Variants in TM9SF4 observed in about 807,000 individuals in gnomAD.
TM9SF4 encodes the protein transmembrane 9 superfamily member 4, also known as dinucleotide oxidase disulfide thiol exchanger 3 superfamily member 4.
A neutral mutation model predicts 90.4 loss-of-function variants in TM9SF4; 26 were observed. The ratio of observed to expected loss-of-function variants is 0.29; its 90% CI spans 0.21 to 0.40. The LOEUF is 0.40. TM9SF4 is among the 10% of genes least tolerant of loss of function. The pLI is 1.00. For synonymous variants in TM9SF4, 293 were observed against 315.4 expected (o/e 0.93, Z 0.75); for missense variants, 549 against 834.8 (o/e 0.66, Z 4.22).
chr20:32,144,229 C>CT (rs1488514321), intron 6 of TM9SF4, among the ~76,000 whole-genome samples: 1 of 152,178 alleles, frequency 6.6e-6, no homozygotes, highest in African/African-American at 2.4e-5. Context: ...CAGGCGTGAG[C>CT]CACCGCGCCC....
At chr20:32,161,619 G>T (rs970834623) in intron 17 of TM9SF4, among the ~76,000 whole-genome samples, 1 of 152,096 alleles carries the variant, frequency 6.6e-6, no homozygotes, top group African/African-American at 2.4e-5. Context: ...AAACTTACGA[G>T]GTATAGCCAT....
intron 11 of TM9SF4, 41 bp from the exon 12 acceptor site, chr20:32,150,759 A>G: frequency 6.2e-7 from 1 of 1,614,136 alleles, no homozygotes; most frequent in Non-Finnish European, 8.5e-7. Flanking sequence ...CACACCAGCT[A>G]ATGGGTCCCC....
In TM9SF4 at chr20:32,165,418, A is replaced by C; in HGVS notation, c.1903A>C (p.Ile635Leu). Reference protein sequence around the residue: ...FYAAYMFVRKIYAAVKID With the variant: ...FYAAYMFVRKLYAAVKID The stretch of plus-strand genomic sequence containing the variant: ...TGCAGCCTACATGTTTGTTCGCAAG[A>C]TCTATGCTGCTGTGAAGATAGACTG... The change falls in exon 18 of 18, where the codon ATC becomes CTC. Residue 635 changes from isoleucine (I) to leucine (L), a missense_variant. Ile to Leu is a conservative substitution (Grantham distance 5). Transcript: ENST00000398022. 1 of 1,614,112 alleles carries C rather than the reference A, an allele frequency of 6.2e-7. No homozygotes were observed. The highest frequency in any genetic ancestry group is 8.5e-7 in the Non-Finnish European group (1 of 1,180,026).
chr20:32,118,926 TA>T (rs1227101578), intron 1 of TM9SF4, among the ~76,000 whole-genome samples: 2 of 151,556 alleles, frequency 1.3e-5, no homozygotes, highest in African/African-American at 4.8e-5. Flanking sequence ...ACTCTGCCCG[TA>T]AATGTATTTA....
At chr20:32,120,610 C>A (rs2046292154) in intron 1 of TM9SF4, among the ~76,000 whole-genome samples, 1 of 151,904 alleles carries the variant, frequency 6.6e-6, no homozygotes, top group Non-Finnish European at 1.5e-5. Flanking sequence ...AATTTTTTCC[C>A]CTATGCTTCT....
chr20:32,140,880 G>A (rs1056852556), intron 3 of TM9SF4, among the ~76,000 whole-genome samples: 10 of 152,078 alleles, frequency 6.6e-5, no homozygotes, highest in Admixed American at 4.6e-4. Context: ...CATGGGGCAG[G>A]GAACTCTAGG....
chr20:32,157,401 T>C (rs2046943000), intron 13 of TM9SF4, among the ~76,000 whole-genome samples: 2 of 152,254 alleles, frequency 1.3e-5, no homozygotes, highest in Non-Finnish European at 2.9e-5. Context: ...TAGTATATCA[T>C]GTAGTTTTAT....
intron 1 of TM9SF4, among the ~76,000 whole-genome samples, chr20:32,112,009 C>T (rs938822321): frequency 6.6e-6 from 1 of 152,178 alleles, no homozygotes; most frequent in African/African-American, 2.4e-5. Context: ...AGGCTGCTTC[C>T]CCTTCCCATC....
In TM9SF4 at chr20:32,143,100, T is replaced by A; in HGVS notation, c.647T>A (p.Leu216Gln). 1 of 1,613,104 alleles carries A rather than the reference T, an allele frequency of 6.2e-7. No homozygotes were observed. Among genetic ancestry groups the A allele is most frequent in the Non-Finnish European group, 8.5e-7 (1 of 1,179,348 alleles). ...GAGGTGATTCCCCAGAGCATCAGGC[T>A]GGAGGGTGAGTGGGGAGGTGTGGCC... ...RFEVIPQSIR[L>Q]EDLKADEKSS... Residue 216 changes from leucine (L) to glutamine (Q), a missense_variant, in exon 6 of 18, where the codon CTG (leucine) becomes CAG (glutamine). Physicochemically the swap from Leu to Gln is moderately radical, Grantham distance 113. This residue lies in a region of TM9SF4 where 495 missense variants were observed against 711.7 expected (regional missense o/e 0.70). Coordinates refer to ENST00000398022, the MANE Select transcript of TM9SF4 (RefSeq NM_014742.4).
intron 1 of TM9SF4, among the ~76,000 whole-genome samples, chr20:32,116,788 G>T (rs1220221314): frequency 2.1e-5 from 3 of 143,972 alleles, no homozygotes. Flanking sequence ...CTGGATAATT[G>T]ACTTCAGTTA....
At chr20:32,145,508 G>A in intron 8 of TM9SF4, 85 bp downstream of exon 8, 1 of 1,266,180 alleles carries the variant, frequency 7.9e-7, no homozygotes, top group Non-Finnish European at 1.1e-6. Flanking sequence ...GGGACTTCCA[G>A]GGTGTTCTGA....
intron 6 of TM9SF4, among the ~76,000 whole-genome samples, chr20:32,143,940 C>A (rs1478247217): frequency 1.3e-5 from 2 of 150,146 alleles, no homozygotes; most frequent in Non-Finnish European, 3.0e-5. Flanking sequence ...CTTTTCTTAC[C>A]ATTTTATCTT....
intron 16 of TM9SF4, chr20:32,160,949 CAAAAAAAAAAAAAAA>C (rs34767421): frequency 9.4e-4 from 39 of 41,700 alleles, no homozygotes; most frequent in Admixed American, 1.5e-3. Context: ...GACTCCATCT[CAAAAAAAAAAAAAAA>C]AAAAAAAAAA....
chr20:32,164,156 T>C (rs1265984065), intron 17 of TM9SF4, among the ~76,000 whole-genome samples: 2 of 152,094 alleles, frequency 1.3e-5, no homozygotes, highest in Non-Finnish European at 2.9e-5. Context: ...GTCCCTTGCC[T>C]CCTTTTACCA....
chr20:32,162,107 A>T (rs1199493056), intron 17 of TM9SF4, among the ~76,000 whole-genome samples: 1 of 152,222 alleles, frequency 6.6e-6, no homozygotes, highest in African/African-American at 2.4e-5. Context: ...TGAGCCATTG[A>T]GAGGAATTTG....
At position 32,122,023 on chromosome 20, in the gene TM9SF4, G is replaced by C. The variant is rs1206510225; in HGVS notation, c.16-10990G>C. On this transcript the variant is annotated intron_variant, in intron 1 of 17. Transcript: ENST00000398022. ...TCCCGGACAGGGTGGCTGGCCGGGC[G>C]GGGGGCTGACCCCCCCACCTCCCTC... 3.8e-3 allele frequency among the ~76,000 whole-genome samples: 523 copies of C among 138,246 alleles called. 4 individuals are homozygous for C. The highest frequency in any genetic ancestry group is 0.014 in the African/African-American group (500 of 34,836). The allele number at this position is 138,246 out of a possible 152,430, so 90.7% of individuals were successfully genotyped here. A position where few individuals can be genotyped will look rare whatever the true frequency, so the allele number is the denominator to read the frequency against.
chr20:32,111,335 AG>A (rs1231127673), intron 1 of TM9SF4, among the ~76,000 whole-genome samples: 1 of 152,230 alleles, frequency 6.6e-6, no homozygotes, highest in African/African-American at 2.4e-5. Flanking sequence ...TCTTGCTATA[AG>A]GAAAACATTG....
chr20:32,112,251 T>C (rs556076149), intron 1 of TM9SF4, among the ~76,000 whole-genome samples: 6 of 151,788 alleles, frequency 4.0e-5, no homozygotes, highest in Non-Finnish European at 8.8e-5. Flanking sequence ...ACAAAAAAAA[T>C]ACAAAAAGAA....
intron 9 of TM9SF4, among the ~76,000 whole-genome samples, chr20:32,147,258 A>G (rs2046777058): frequency 6.6e-6 from 1 of 152,174 alleles, no homozygotes; most frequent in Admixed American, 6.6e-5. Context: ...GATTACAGGC[A>G]TGAGCCACCA....
Sources: gnomAD v4.1 joint callset for allele counts (sites outside exome capture counted in the v4.1 genomes callset) on GRCh38, gnomAD v4.1.1 for gene constraint, gnomAD v4.1.1 regional missense constraint, MANE v1.5 for transcripts, NCBI Gene and HGNC (gene_info 2026-07-23, HGNC 2026-07-21) for gene names.